The following DENND1B variants were observed in gnomAD, a reference collection of about 807,000 sequenced individuals.
DENND1B encodes DENN domain-containing protein 1B.
In DENND1B, 59 loss-of-function variants were observed where a neutral mutation model predicts 90.1. The observed-to-expected ratio is 0.65, with a 90% CI of 0.53 to 0.81. The LOEUF (loss-of-function observed/expected upper bound fraction) is 0.81. Among genes scored for constraint, DENND1B ranks in the 40% least tolerant of loss-of-function variants. The pLI is 0.00. For missense variants in DENND1B, 862 were observed against 912.6 expected (o/e 0.94, Z 0.71); for synonymous variants, 337 against 324.6 (o/e 1.04, Z -0.41).
chr1:197,714,553 C>CTA (rs1660449288), intron 3 of DENND1B, among the ~76,000 whole-genome samples: 1 of 151,928 alleles, frequency 6.6e-6, no homozygotes, highest in Admixed American at 6.6e-5. Flanking sequence ...TAGGTAAGAA[C>CTA]TATTTTAAAA....
At chr1:197,632,914 C>T (rs560857525) in intron 10 of DENND1B, among the ~76,000 whole-genome samples, 1 of 152,084 alleles carries the variant, frequency 6.6e-6, no homozygotes, top group Non-Finnish European at 1.5e-5. Flanking sequence ...CAAAGAGAAA[C>T]GTGTCTTGAA....
intron 10 of DENND1B, among the ~76,000 whole-genome samples, chr1:197,629,627 T>C (rs146488523): frequency 3.8e-4 from 57 of 151,966 alleles, no homozygotes; most frequent in Non-Finnish European, 7.9e-4. Flanking sequence ...TGTATACATA[T>C]GTAACTAAGC....
intron 2 of DENND1B, among the ~76,000 whole-genome samples, chr1:197,767,061 T>C (rs1655790907): frequency 6.6e-6 from 1 of 152,130 alleles, no homozygotes; most frequent in Admixed American, 6.6e-5. Flanking sequence ...CCCAAAGTGC[T>C]GGAATTACAG....
At chr1:197,697,838 G>A (rs1174911298) in intron 3 of DENND1B, among the ~76,000 whole-genome samples, 1 of 152,034 alleles carries the variant, frequency 6.6e-6, no homozygotes, top group Non-Finnish European at 1.5e-5. Flanking sequence ...TTACATAATG[G>A]TAAAGGGAAC....
intron 13 of DENND1B, among the ~76,000 whole-genome samples, chr1:197,604,270 G>A (rs892878797): frequency 4.0e-5 from 6 of 151,066 alleles, no homozygotes; most frequent in Admixed American, 3.3e-4. Context: ...CAGAAGACAG[G>A]AAAAGAGGTT....
At chr1:197,720,536 C>G (rs747310460) in intron 2 of DENND1B, among the ~76,000 whole-genome samples, 2 of 150,406 alleles carry the variant, frequency 1.3e-5, no homozygotes, top group Non-Finnish European at 3.0e-5. Context: ...CCAACATACT[C>G]AGACTTACCA....
In DENND1B at chr1:197,505,872, T is replaced by G. The variant is rs1395943274; in HGVS notation, c.*4588A>C. On this transcript the variant is annotated 3_prime_UTR_variant, in exon 23 of 23. Coordinates refer to ENST00000620048, the MANE Select transcript of DENND1B (RefSeq NM_001195215.2). ...ACTGAGTATCTGTTAAATGTACACA[T>G]GTAGAATCAGCAATTTGTACCGTAT... is the stretch of plus-strand genomic sequence containing the variant. 1 of 151,558 alleles carries G rather than the reference T, an allele frequency of 6.6e-6. No individual in the cohort carries two copies. The highest frequency in any genetic ancestry group is 2.0e-4 in the East Asian group (1 of 5,092). The allele number at this position is 151,558 out of a possible 1,614,324, so 9.4% of individuals were successfully genotyped here. A position where few individuals can be genotyped will look rare whatever the true frequency, so the allele number is the denominator to read the frequency against.
upstream of DENND1B, among the ~76,000 whole-genome samples, chr1:197,776,436 C>G (rs1030685688): frequency 6.6e-6 from 1 of 152,166 alleles, no homozygotes; most frequent in Non-Finnish European, 1.5e-5. Flanking sequence ...GATGGACATT[C>G]AAATGACTGT....
chr1:197,605,004 T>C (rs17564924), intron 13 of DENND1B, among the ~76,000 whole-genome samples: 38,417 of 150,976 alleles, frequency 0.25, 5,437 homozygotes, highest in Middle Eastern at 0.38. Flanking sequence ...TAAATGGTCC[T>C]AGCTCCATCT....
chr1:197,527,408 G>A (rs946724756), intron 20 of DENND1B, among the ~76,000 whole-genome samples: 1 of 149,250 alleles, frequency 6.7e-6, no homozygotes, highest in South Asian at 2.1e-4. Context: ...TCAGCCTCCC[G>A]AGTAGTTGGG....
chr1:197,735,564 T>G, intron 2 of DENND1B: 4 of 1,614,054 alleles, frequency 2.5e-6, no homozygotes, highest in Non-Finnish European at 3.4e-6. Context: ...CTTAGACTTT[T>G]ATGAATTCTA....
At chr1:197,713,596 AG>A (rs1660176768) in intron 3 of DENND1B, among the ~76,000 whole-genome samples, 1 of 23,554 alleles carries the variant, frequency 4.2e-5, no homozygotes, top group African/African-American at 1.7e-4. Flanking sequence ...GGGTCGGGGG[AG>A]GGGGGAGGGA....
rs1670221379 is a variant in DENND1B at position 197,540,083 on chromosome 1, A to G, written c.1408-12T>C. The G allele has an allele frequency of 6.4e-7, 1 of 1,572,098 alleles. No individual in the cohort carries two copies. Among genetic ancestry groups the G allele is most frequent in the African/African-American group, 1.4e-5 (1 of 73,624 alleles). Reference sequence around the variant, plus strand: ...TCTTCTTCATTTTCCTACACATGAAAAAATATACAGGCAATAATTGTAAAG... The same window carrying G: ...TCTTCTTCATTTTCCTACACATGAAGAAATATACAGGCAATAATTGTAAAG... On this transcript the variant is annotated splice_polypyrimidine_tract_variant and intron_variant, in intron 19 of 22. Transcript: ENST00000620048.
At chr1:197,566,876 T>C (rs2125718812) in intron 15 of DENND1B, among the ~76,000 whole-genome samples, 1 of 151,444 alleles carries the variant, frequency 6.6e-6, no homozygotes, top group Non-Finnish European at 1.5e-5. Flanking sequence ...GAATGTAAAA[T>C]GGAGAGAGGA....
At chr1:197,583,082 T>G in intron 15 of DENND1B, 70 bp downstream of exon 15, 2 of 1,401,408 alleles carry the variant, frequency 1.4e-6, no homozygotes, top group Non-Finnish European at 1.0e-6. Context: ...TACATAGTTT[T>G]ATAGTAATAC....
intron 13 of DENND1B, among the ~76,000 whole-genome samples, chr1:197,601,706 A>G (rs1221436227): frequency 1.3e-5 from 2 of 151,652 alleles, no homozygotes; most frequent in Non-Finnish European, 3.0e-5. Context: ...AAGTACAGAG[A>G]CATAAAGGGG....
At chr1:197,538,829 T>A (rs961302959) in intron 20 of DENND1B, among the ~76,000 whole-genome samples, 1 of 151,782 alleles carries the variant, frequency 6.6e-6, no homozygotes, top group Non-Finnish European at 1.5e-5. Flanking sequence ...TTTTAAGAGG[T>A]GATTGGGCCA....
At position 197,505,274 on chromosome 1, in the gene DENND1B, T is replaced by G. The variant is rs1667677863; in HGVS notation, c.*5186A>C. 6.6e-6 allele frequency: 1 copy of G among 151,704 alleles called. No individual in the cohort carries two copies. Among genetic ancestry groups the G allele is most frequent in the South Asian group, 2.1e-4 (1 of 4,832 alleles). 9.4% of individuals were successfully genotyped at this position (151,704 alleles called of 1,614,324 possible). ...TTACACTGTCAGAAGGATGGTGACT[T>G]GACATGTGATGCACTAAACATGCAG... is the stretch of plus-strand genomic sequence containing the variant. On this transcript the variant is annotated 3_prime_UTR_variant, in exon 23 of 23. Transcript: ENST00000620048.
At chr1:197,529,785 C>T (rs200526239) in intron 20 of DENND1B, among the ~76,000 whole-genome samples, 1 of 152,060 alleles carries the variant, frequency 6.6e-6, no homozygotes, top group Non-Finnish European at 1.5e-5. Context: ...ATATTTTTCA[C>T]TAAGTCTCCA....
Sources: allele counts gnomAD v4.1 joint callset (sites outside exome capture counted in the v4.1 genomes callset), GRCh38; gene constraint gnomAD v4.1.1; transcripts MANE v1.5; gene names NCBI Gene and HGNC (gene_info 2026-07-23, HGNC 2026-07-21).